The following FAM20A variants were observed in gnomAD, a reference collection of about 807,000 sequenced individuals.
FAM20A encodes the protein pseudokinase FAM20A.
In FAM20A, 42 loss-of-function variants were observed where a neutral mutation model predicts 52.0. That is an observed-to-expected ratio of 0.81 (90% CI 0.63 to 1.04). The LOEUF (loss-of-function observed/expected upper bound fraction) is 1.04. Ranked by LOEUF, FAM20A falls within the 50% of genes least tolerant of loss-of-function variation. The pLI, the probability that FAM20A is intolerant of heterozygous loss-of-function variation, is 0.00. For synonymous variants in FAM20A, 304 were observed against 298.9 expected, an observed-to-expected ratio of 1.02 and a Z score of -0.18; for missense variants, 742 against 712.7, an observed-to-expected ratio of 1.04 and a Z score of -0.47.
chr17:68,539,990 C>T, intron 8 of FAM20A, 24 bp from the exon 9 acceptor site: 1 of 1,609,608 alleles, frequency 6.2e-7, no homozygotes, highest in East Asian at 2.2e-5. Context: ...GAGGACTTAG[C>T]TGGAACCAGC....
intron 1 of FAM20A, among the ~76,000 whole-genome samples, chr17:68,594,398 CAA>C (rs201229338): frequency 3.2e-5 from 4 of 125,480 alleles, no homozygotes; most frequent in Admixed American, 1.7e-4. Flanking sequence ...GACTCCGTCT[CAA>C]AAAAAAAAAA....
At chr17:68,541,928 T>C in intron 7 of FAM20A, 57 bp downstream of exon 7, 12 of 1,563,932 alleles carry the variant, frequency 7.7e-6, no homozygotes, top group Non-Finnish European at 1.0e-5. Flanking sequence ...AAGTCCCTGG[T>C]ACAGGGTCTG....
Position 68,588,196 on chromosome 17 carries a change from T to C in FAM20A, c.404+12067A>G, listed in dbSNP as rs2143896801. Reference sequence around the variant, plus strand: ...TCCATAAACAAATAGATTAAAAAGATAATAAATGATGAACTAGATATTTTG... The same window carrying C: ...TCCATAAACAAATAGATTAAAAAGACAATAAATGATGAACTAGATATTTTG... On this transcript the variant is annotated intron_variant, in intron 1 of 10. Coordinates refer to ENST00000592554, the MANE Select transcript of FAM20A (RefSeq NM_017565.4). Among the ~76,000 whole-genome samples the C allele has an allele frequency of 2.0e-5, 3 of 151,966 alleles. No individual in the cohort carries two copies. The South Asian group carries it at 6.2e-4, about 32-fold the overall frequency.
At chr17:68,553,749 T>TATATATACATATATATAC (rs996416266) in intron 3 of FAM20A, among the ~76,000 whole-genome samples, 1 of 144,894 alleles carries the variant, frequency 6.9e-6, no homozygotes, top group Non-Finnish European at 1.5e-5. Context: ...TATATACACA[T>TATATATACATATATATAC]ATATATACAT....
At chr17:68,571,983 CATACATATATAT>C (rs1568761976) in intron 1 of FAM20A, among the ~76,000 whole-genome samples, 4 of 22,092 alleles carry the variant, frequency 1.8e-4, no homozygotes, top group Admixed American at 9.6e-4. Context: ...TGTGTATATA[CATACATATATAT>C]ATATATATAT....
chr17:68,540,046 C>T (rs1208965922), intron 8 of FAM20A, 80 bp from the exon 9 acceptor site: 38 of 1,234,700 alleles, frequency 3.1e-5, no homozygotes, highest in African/African-American at 7.4e-5. Context: ...CTCCAGGGAA[C>T]GGAGGCCTGT....
At chr17:68,548,733 T>C (rs555227664) in intron 4 of FAM20A, among the ~76,000 whole-genome samples, 1,735 of 139,764 alleles carry the variant, frequency 0.012, 21 homozygotes, top group Middle Eastern at 0.035. Context: ...ATATTTTTTT[T>C]TTTTTTTTTT....
rs576230517 is a variant in FAM20A, at chr17:68,552,666, C to CTTTTTTTT, written c.641-723_641-716dup. Among the ~76,000 whole-genome samples, 3 of 66,842 alleles carry CTTTTTTTT rather than the reference C, an allele frequency of 4.5e-5. 1 individual carries two copies. Among genetic ancestry groups the CTTTTTTTT allele is most frequent in the Admixed American group, 4.3e-4 (2 of 4,690 alleles). The allele number at this position is 66,842 out of a possible 152,430, so 43.9% of individuals were successfully genotyped here. The stretch of plus-strand genomic sequence containing the variant: ...TGGAGCCCTGTAAACCTTTATTTTC[C>CTTTTTTTT]TTTTTTTTTTTTTTTTTTTTTTTTT... On this transcript the variant is annotated intron_variant, in intron 3 of 10. Coordinates refer to ENST00000592554, the MANE Select transcript of FAM20A (RefSeq NM_017565.4).
chr17:68,571,312 G>A (rs928175604), intron 1 of FAM20A, among the ~76,000 whole-genome samples: 1 of 152,166 alleles, frequency 6.6e-6, no homozygotes, highest in Admixed American at 6.5e-5. Flanking sequence ...GTATTTGAAG[G>A]AGCACTCAGG....
intron 3 of FAM20A, among the ~76,000 whole-genome samples, chr17:68,554,061 T>TACATATATAC (rs758603916): frequency 8.0e-5 from 9 of 112,474 alleles, no homozygotes; most frequent in East Asian, 2.8e-4. Context: ...TATACACATA[T>TACATATATAC]ACACACATAT....
chr17:68,558,153 C>T (rs549882271), intron 1 of FAM20A, among the ~76,000 whole-genome samples: 151 of 152,222 alleles, frequency 9.9e-4, no homozygotes, highest in African/African-American at 3.6e-3. Context: ...AGAAAGCCAC[C>T]ATGAGGAGCT....
intron 8 of FAM20A, chr17:68,540,572 G>A (rs2143470661): frequency 1.8e-6 from 1 of 547,118 alleles, no homozygotes. Flanking sequence ...TTGGTGAAGT[G>A]AACATACAGC....
chr17:68,541,254 C>G, intron 7 of FAM20A: 1 of 414,190 alleles, frequency 2.4e-6, no homozygotes, highest in Non-Finnish European at 4.5e-6. Context: ...TGACCCTCAC[C>G]TGCTTCCTCG....
intron 1 of FAM20A, among the ~76,000 whole-genome samples, chr17:68,595,135 T>G (rs562442600): frequency 6.6e-6 from 1 of 152,382 alleles, no homozygotes; most frequent in Non-Finnish European, 1.5e-5. Context: ...AGCATTTGCA[T>G]GCAAAAAATT....
At chr17:68,570,811 G>A (rs1306584750) in intron 1 of FAM20A, among the ~76,000 whole-genome samples, 1 of 152,154 alleles carries the variant, frequency 6.6e-6, no homozygotes, top group African/African-American at 2.4e-5. Context: ...TTTATATTTT[G>A]CTAAATTCAC....
At position 68,600,203 on chromosome 17, in the gene FAM20A, G is replaced by C. The variant is rs2088574485; in HGVS notation, c.404+60C>G. The C allele has an allele frequency of 6.5e-7, 1 of 1,532,202 alleles. No homozygotes were observed. Among genetic ancestry groups the C allele is most frequent in the Non-Finnish European group, 8.8e-7 (1 of 1,138,692 alleles). The allele number at this position is 1,532,202 out of a possible 1,614,324, so 94.9% of individuals were successfully genotyped here. A position where few individuals can be genotyped will look rare whatever the true frequency, so the allele number is the denominator to read the frequency against. Reference sequence around the variant, plus strand: ...GGGGGCGTCAGGAAACTCGAGACTGGGGCGCGGGGAGGCCCCGGCCAGAGC... The same window carrying C: ...GGGGGCGTCAGGAAACTCGAGACTGCGGCGCGGGGAGGCCCCGGCCAGAGC... On this transcript the variant is annotated intron_variant, in intron 1 of 10. Transcript: ENST00000592554. This position sits in a 1 kb window ranked among gnomAD's most constrained non-coding sequence, Gnocchi z 6.2.
At chr17:68,548,949 G>A (rs2143618682) in intron 4 of FAM20A, among the ~76,000 whole-genome samples, 1 of 151,866 alleles carries the variant, frequency 6.6e-6, no homozygotes, top group South Asian at 2.1e-4. Context: ...AGCCAGGATG[G>A]TCTTGATCTC....
chr17:68,599,594 T>C (rs2088552482), intron 1 of FAM20A, among the ~76,000 whole-genome samples: 1 of 152,180 alleles, frequency 6.6e-6, no homozygotes, highest in African/African-American at 2.4e-5. Context: ...TACAAGACGA[T>C]AAAAGTGCCT....
At chr17:68,598,935 T>C (rs2088533953) in intron 1 of FAM20A, among the ~76,000 whole-genome samples, 1 of 152,192 alleles carries the variant, frequency 6.6e-6, no homozygotes, top group Non-Finnish European at 1.5e-5. Context: ...AAAGATAATA[T>C]TGAAAATGAC....
Sources: gnomAD v4.1 joint callset for allele counts (sites outside exome capture counted in the v4.1 genomes callset) on GRCh38, gnomAD v4.1.1 for gene constraint, Gnocchi (gnomAD v3.1) non-coding constraint, MANE v1.5 for transcripts, NCBI Gene and HGNC (gene_info 2026-07-23, HGNC 2026-07-21) for gene names.